AP3B2: variants seen among roughly 807,000 people sequenced by gnomAD.
AP3B2 encodes adaptor related protein complex 3 subunit beta 2, also known as AP-3 complex subunit beta-2.
Under a neutral mutation model 126.9 loss-of-function variants are expected in AP3B2, and 50 were observed. The observed-to-expected ratio is 0.39, with a 90% CI of 0.31 to 0.50. AP3B2 has a LOEUF of 0.50. Ranked by LOEUF, AP3B2 falls within the 20% of genes least tolerant of loss-of-function variation. The probability of loss-of-function intolerance (pLI) is 0.79; values close to 1 mark genes in which losing one functional copy is unlikely to be tolerated. For synonymous variants in AP3B2, 541 were observed against 565.0 expected, an observed-to-expected ratio of 0.96 and a Z score of 0.60; for missense variants, 1,177 against 1,426.4, an observed-to-expected ratio of 0.83 and a Z score of 2.82.
intron 14 of AP3B2, among the ~76,000 whole-genome samples, chr15:82,673,987 C>A (rs2048200952): frequency 6.6e-6 from 1 of 152,132 alleles, no homozygotes; most frequent in African/African-American, 2.4e-5. Flanking sequence ...GATGTAATAG[C>A]CACTTTGATT....
At chr15:82,661,392 C>T (rs1298010734) in intron 25 of AP3B2, among the ~76,000 whole-genome samples, 1 of 152,186 alleles carries the variant, frequency 6.6e-6, no homozygotes, top group Non-Finnish European at 1.5e-5. Context: ...TCTTCTAGGC[C>T]AGAGGTTTTG....
chr15:82,662,309 C>T, intron 23 of AP3B2, 57 bp from the exon 24 acceptor site: 1 of 1,346,954 alleles, frequency 7.4e-7, no homozygotes, highest in Non-Finnish European at 1.0e-6. Context: ...CCTGATAGGT[C>T]TAGAACCCAG....
chr15:82,680,769 C>G lies in AP3B2; in HGVS notation c.772-14G>C. The G allele has an allele frequency of 2.5e-6, 4 of 1,596,160 alleles. No homozygotes were observed. Among genetic ancestry groups the G allele is most frequent in the Non-Finnish European group, 1.7e-6 (2 of 1,172,100 alleles). ...TAGTAGGGATTCCTGGACGGGGAGA[C>G]CGACGGGTCTGTGGGCGCCTCCCCG... is the stretch of plus-strand genomic sequence containing the variant. On this transcript the variant is annotated splice_polypyrimidine_tract_variant and intron_variant, in intron 7 of 26. Transcript: ENST00000535359. This position sits in a 1 kb window ranked among gnomAD's most constrained non-coding sequence, Gnocchi z 6.1.
At position 82,680,811 on chromosome 15, in the gene AP3B2, G is replaced by T. The variant is rs758609268; in HGVS notation, c.771+26C>A. 1.2e-6 allele frequency: 2 copies of T among 1,611,814 alleles called. No homozygotes were observed. Among genetic ancestry groups the T allele is most frequent in the Non-Finnish European group, 1.7e-6 (2 of 1,178,982 alleles). On this transcript the variant is annotated intron_variant, in intron 7 of 26. Coordinates refer to ENST00000535359, the MANE Select transcript of AP3B2 (RefSeq NM_001278512.2). The surrounding 1 kb of genome is among the most constrained non-coding windows in gnomAD (Gnocchi z 6.1). ...GCCTCCCCGGGACACACTTCGGCCC[G>T]CTCTGCCTGGGCTGGGCCCACTTAC...
intron 20 of AP3B2, 63 bp from the exon 21 acceptor site, chr15:82,663,683 G>T: frequency 6.2e-7 from 1 of 1,611,238 alleles, no homozygotes; most frequent in Admixed American, 1.7e-5. Context: ...TTCTGGGTTG[G>T]GTAGAAGATG....
At chr15:82,682,924 CAAAAAAA>C (rs35153505) in intron 4 of AP3B2, among the ~76,000 whole-genome samples, 1 of 134,274 alleles carries the variant, frequency 7.4e-6, no homozygotes, top group Non-Finnish European at 1.6e-5. Context: ...CCAGTCTCTA[CAAAAAAA>C]AAAAAAATTG....
intron 4 of AP3B2, chr15:82,687,800 A>T (rs2048456111): frequency 6.6e-6 from 1 of 152,218 alleles, no homozygotes; most frequent in Non-Finnish European, 1.5e-5. Flanking sequence ...AATCTCTCTC[A>T]CAGAAATTTG....
At chr15:82,684,933 T>C (rs965085824) in intron 4 of AP3B2, among the ~76,000 whole-genome samples, 2 of 152,218 alleles carry the variant, frequency 1.3e-5, no homozygotes, top group South Asian at 2.1e-4. Context: ...TTTCTAGCTT[T>C]TGATTTAAAG....
At position 82,659,602 on chromosome 15, in the gene AP3B2, G is replaced by A. The variant is rs367638774; in HGVS notation, c.3264C>T (p.Gly1088=). The change falls in exon 27 of 27, where the codon GGC becomes GGT. Residue 1088 remains glycine (G), a synonymous_variant. Transcript: ENST00000535359. ...GTATCACATCCTTTACCAGCATGGT[G>A]CCAATCACCATTTTCTCGCTGTTGA... ...LTVNSEKMVI[G]TMLVKDVIQA... is the part of the protein sequence containing the mutation. 60 of 1,613,814 alleles carry A rather than the reference G, an allele frequency of 3.7e-5. No individual in the cohort carries two copies. The African/African-American group carries it at 7.1e-4, about 19-fold the overall frequency.
In AP3B2 at chr15:82,665,572, C is replaced by T. The variant is rs748961570; in HGVS notation, c.1856G>A (p.Arg619Gln). 13 of 1,612,342 alleles carry T rather than the reference C, an allele frequency of 8.1e-6. No individual in the cohort carries two copies. Among genetic ancestry groups the T allele is most frequent in the South Asian group, 1.1e-5 (1 of 90,970 alleles). Residue 619 changes from arginine (R) to glutamine (Q), a missense_variant, in exon 16 of 27, where the codon CGG becomes CAG. By Grantham distance (43) the Arg-to-Gln change is conservative. Coordinates refer to ENST00000535359, the MANE Select transcript of AP3B2 (RefSeq NM_001278512.2). This position sits in a 1 kb window ranked among gnomAD's most constrained non-coding sequence, Gnocchi z 4.4. ...APVLESSFKD[R>Q]DHFQLGSLSH... is the part of the protein sequence containing the mutation. ...CAGTGAGCCCAGCTGGAAGTGGTCC[C>T]GGTCTAGGGATAGGTTTAGAGGTCA...
chr15:82,705,269 A>T (rs1019230893), intron 1 of AP3B2, among the ~76,000 whole-genome samples: 7 of 152,172 alleles, frequency 4.6e-5, no homozygotes, highest in Admixed American at 1.3e-4. Context: ...AAAGGATTAA[A>T]GCCTGTTATC....
intron 1 of AP3B2, among the ~76,000 whole-genome samples, chr15:82,694,730 A>G (rs2048605908): frequency 6.6e-6 from 1 of 152,036 alleles, no homozygotes; most frequent in Non-Finnish European, 1.5e-5. Flanking sequence ...TGGCTTAAAC[A>G]ACATAAATTT....
rs2048327520 is a variant in AP3B2 at position 82,680,876 on chromosome 15, G to A, written c.732C>T (p.Thr244=). 4 of 1,613,904 alleles carry A rather than the reference G, an allele frequency of 2.5e-6. No homozygotes were observed. In the East Asian group the frequency reaches 8.9e-5, roughly 36 times the overall value. Residue 244 remains threonine, a synonymous_variant, in exon 7 of 27, where the codon ACC becomes ACT. Coordinates refer to ENST00000535359, the MANE Select transcript of AP3B2 (RefSeq NM_001278512.2). This position sits in a 1 kb window ranked among gnomAD's most constrained non-coding sequence, Gnocchi z 6.1. ...WGQVVIISML[T]RYARTQFLSP... ...TCAGGAACTGCGTGCGGGCGTAGCG[G>A]GTGAGCATGCTGATGATGACCACCT...
chr15:82,672,975 G>A (rs566323051), intron 14 of AP3B2, among the ~76,000 whole-genome samples: 3 of 152,298 alleles, frequency 2.0e-5, no homozygotes, highest in South Asian at 2.1e-4. Flanking sequence ...CATGTGACTT[G>A]GAAGTGGACC....
intron 4 of AP3B2, among the ~76,000 whole-genome samples, chr15:82,683,906 G>A (rs2048384882): frequency 6.6e-6 from 1 of 152,170 alleles, no homozygotes; most frequent in African/African-American, 2.4e-5. Flanking sequence ...CATTGTCAAT[G>A]AGCAGTAATA....
At position 82,691,130 on chromosome 15, in the gene AP3B2, C is replaced by T. The variant is rs562721839; in HGVS notation, c.114-1677G>A. 7.9e-5 allele frequency among the ~76,000 whole-genome samples: 12 copies of T among 152,306 alleles called. No homozygotes were observed. In the South Asian group the frequency reaches 1.7e-3, roughly 21 times the overall value. ...AATCCTTTGGGTATATACCCAATAACGGGATCACTGGGTCAAATGGTATTT... is the reference window on the plus strand; with the variant it reads ...AATCCTTTGGGTATATACCCAATAATGGGATCACTGGGTCAAATGGTATTT... On this transcript the variant is annotated intron_variant, in intron 1 of 26. Transcript: ENST00000535359.
At chr15:82,709,508 G>C in intron 1 of AP3B2, 86 bp downstream of exon 1, 1 of 955,244 alleles carries the variant, frequency 1.0e-6, no homozygotes, top group Non-Finnish European at 1.3e-6. Flanking sequence ...GCCGGCGCTG[G>C]GGCCGGGCGC....
At chr15:82,683,492 T>C (rs889316472) in intron 4 of AP3B2, among the ~76,000 whole-genome samples, 1 of 152,216 alleles carries the variant, frequency 6.6e-6, no homozygotes, top group Non-Finnish European at 1.5e-5. Flanking sequence ...TACTTCTAGG[T>C]AGAATTCCAC....
At chr15:82,662,467 T>C in intron 23 of AP3B2, 1 of 653,116 alleles carries the variant, frequency 1.5e-6, no homozygotes, top group Non-Finnish European at 2.6e-6. Flanking sequence ...AAGTTAGTCC[T>C]GAAACAACCA....
Sources: gnomAD v4.1 joint callset for allele counts (sites outside exome capture counted in the v4.1 genomes callset) on GRCh38, gnomAD v4.1.1 for gene constraint, Gnocchi (gnomAD v3.1) non-coding constraint, MANE v1.5 for transcripts, NCBI Gene and HGNC (gene_info 2026-07-23, HGNC 2026-07-21) for gene names.